The following ZDHHC8 variants were observed in gnomAD, a reference collection of about 807,000 sequenced individuals.
The protein encoded by ZDHHC8 is zDHHC palmitoyltransferase 8.
In ZDHHC8, 24 loss-of-function variants were observed where a neutral mutation model predicts 61.2. The observed-to-expected ratio is 0.39, with a 90% CI of 0.28 to 0.55. The LOEUF (loss-of-function observed/expected upper bound fraction) is 0.55, where lower values mean the gene tolerates loss of function less well. ZDHHC8 is among the 20% of genes least tolerant of loss of function. ZDHHC8 has a pLI of 0.60. For synonymous variants in ZDHHC8, 523 were observed against 492.5 expected (o/e 1.06, Z -0.82); for missense variants, 935 against 1,102.1 (o/e 0.85, Z 2.15).
At position 20,145,275 on chromosome 22, in the gene ZDHHC8, TC is replaced by T; in HGVS notation, c.2177del (p.Pro726ArgfsTer43). 5 of 1,561,362 alleles carry T rather than the reference TC, an allele frequency of 3.2e-6. No homozygotes were observed. Among genetic ancestry groups the T allele is most frequent in the Non-Finnish European group, 4.3e-6 (5 of 1,155,916 alleles). On this transcript the variant is annotated frameshift_variant, in exon 11 of 11. Transcript: ENST00000334554. LOFTEE classifies it high-confidence loss of function. ...TCCCCCAAGTAAGCTTAATGGGCAG[TC>T]CCCGGGCCTGGCCCGGCTGGGACCT... ...KTPPSKLNGQ[S>X]PGLARLGPAT...
In ZDHHC8 at chr22:20,131,841, G is replaced by A; in HGVS notation, c.-107G>A. On this transcript the variant is annotated 5_prime_UTR_variant, in exon 1 of 11. Coordinates refer to ENST00000334554, the MANE Select transcript of ZDHHC8 (RefSeq NM_013373.4). Reference sequence around the variant, plus strand: ...TTCCTCCGCCGCCGCCGCCGCCGCCGCCGCGGGTCCTGCGCCGCGTCCAGC... The same window carrying A: ...TTCCTCCGCCGCCGCCGCCGCCGCCACCGCGGGTCCTGCGCCGCGTCCAGC... The A allele has an allele frequency of 5.5e-6, 2 of 362,660 alleles. No individual in the cohort carries two copies. The highest frequency in any genetic ancestry group is 7.6e-6 in the Non-Finnish European group (2 of 262,794). 22.5% of individuals were successfully genotyped at this position (362,660 alleles called of 1,614,324 possible).
In ZDHHC8 at chr22:20,139,706, C is replaced by T. The variant is rs377244036; in HGVS notation, c.385-14C>T. 2.5e-6 allele frequency: 4 copies of T among 1,611,734 alleles called. No individual in the cohort carries two copies. The African/African-American group carries it at 5.3e-5, about 22-fold the overall frequency. ...CCTGCCTGCCATGTGCCCTGATGCA[C>T]TGCTCCCGCCCAGGACTTTGACCAC... On this transcript the variant is annotated splice_polypyrimidine_tract_variant and intron_variant, in intron 3 of 10. Coordinates refer to ENST00000334554, the MANE Select transcript of ZDHHC8 (RefSeq NM_013373.4).
chr22:20,133,386 G>C (rs1307253495), intron 1 of ZDHHC8, among the ~76,000 whole-genome samples: 1 of 152,132 alleles, frequency 6.6e-6, no homozygotes, highest in East Asian at 1.9e-4. Context: ...GGTCTGGCTT[G>C]GTTCCTTACT....
At chr22:20,135,462 T>C (rs2050411936) in intron 1 of ZDHHC8, among the ~76,000 whole-genome samples, 1 of 152,198 alleles carries the variant, frequency 6.6e-6, no homozygotes, top group Admixed American at 6.5e-5. Context: ...TGCCAGTGCC[T>C]GGGGCTGAGC....
At chr22:20,132,232 G>C (rs528295123) in intron 1 of ZDHHC8, among the ~76,000 whole-genome samples, 181 bp downstream of exon 1, 1 of 152,290 alleles carries the variant, frequency 6.6e-6, no homozygotes, top group East Asian at 1.9e-4. Context: ...GAAGCGGTGT[G>C]CCGGCGTCCC....
intron 2 of ZDHHC8, 81 bp downstream of exon 2, chr22:20,139,396 G>C: frequency 1.1e-5 from 18 of 1,602,808 alleles, no homozygotes; most frequent in Non-Finnish European, 1.5e-5. Context: ...AGGGATTCCT[G>C]GTGGGTGGGC....
chr22:20,136,410 T>G (rs1259202312), intron 1 of ZDHHC8, among the ~76,000 whole-genome samples: 1 of 152,250 alleles, frequency 6.6e-6, no homozygotes, highest in Admixed American at 6.5e-5. Flanking sequence ...TTGCATGTCC[T>G]TGTGTGTCCT....
rs992968433 is a variant in ZDHHC8, at chr22:20,146,152, G to A, written c.*752G>A. The A allele has an allele frequency of 7.1e-6, 7 of 985,658 alleles. No individual in the cohort carries two copies. Among genetic ancestry groups the A allele is most frequent in the Admixed American group, 6.1e-5 (1 of 16,292 alleles). The allele number at this position is 985,658 out of a possible 1,614,324, so 61.1% of individuals were successfully genotyped here. ...TGTGGGAGGCGACGGGGGGGCAGGC[G>A]GGAGCAGGCACGGGGGTGATGCTGC... On this transcript the variant is annotated 3_prime_UTR_variant, in exon 11 of 11. Transcript: ENST00000334554.
In ZDHHC8 at chr22:20,141,206, C is replaced by A. The variant is rs369721299; in HGVS notation, c.895-11C>A. ...CAAGCCCCACACACCACTGACCCCG[C>A]TCCCTCCCAGTCCAAGGGCAGCCTG... On this transcript the variant is annotated splice_polypyrimidine_tract_variant and intron_variant, in intron 7 of 10. Transcript: ENST00000334554. 6 of 1,608,758 alleles carry A rather than the reference C, an allele frequency of 3.7e-6. No individual in the cohort carries two copies. Among genetic ancestry groups the A allele is most frequent in the Non-Finnish European group, 5.1e-6 (6 of 1,178,216 alleles).
Position 20,143,484 on chromosome 22 carries a change from C to T in ZDHHC8, c.1854C>T (p.Gly618=), listed in dbSNP as rs754710926. Reference sequence around the variant, plus strand: ...TTGTGGCTGGGCCCGGCTTCGGTGGCGCCCGCAACCCTGCCCTGCAGACGT... The same window carrying T: ...TTGTGGCTGGGCCCGGCTTCGGTGGTGCCCGCAACCCTGCCCTGCAGACGT... ...DDLVAGPGFG[G]ARNPALQTSL... is the part of the protein sequence containing the mutation. Residue 618 remains glycine (G), a synonymous_variant, in exon 10 of 11, where the codon GGC becomes GGT. Transcript: ENST00000334554. 2.5e-6 allele frequency: 4 copies of T among 1,600,104 alleles called. No homozygotes were observed. The highest frequency in any genetic ancestry group is 2.7e-5 in the African/African-American group (2 of 74,896).
chr22:20,144,470 C>T lies in ZDHHC8; in HGVS notation c.2126+714C>T, dbSNP rs1212490243. On this transcript the variant is annotated intron_variant, in intron 10 of 10. Coordinates refer to ENST00000334554, the MANE Select transcript of ZDHHC8 (RefSeq NM_013373.4). Reference sequence around the variant, plus strand: ...TCCTCACGGCATCTGTCGCCCTGTCCGGGCCTGGAAACCTCAAGCACAGGC... The same window carrying T: ...TCCTCACGGCATCTGTCGCCCTGTCTGGGCCTGGAAACCTCAAGCACAGGC... Among the ~76,000 whole-genome samples, 12 of 152,360 alleles carry T rather than the reference C, an allele frequency of 7.9e-5. No homozygotes were observed. In the East Asian group the frequency reaches 1.9e-3, roughly 24 times the overall value.
rs914494746 is a variant in ZDHHC8, at chr22:20,147,500, C to T, written c.*2100C>T. The T allele has an allele frequency of 1.0e-5, 4 of 382,428 alleles. No homozygotes were observed. Among genetic ancestry groups the T allele is most frequent in the African/African-American group, 8.4e-5 (4 of 47,830 alleles). The allele number at this position is 382,428 out of a possible 1,614,324, so 23.7% of individuals were successfully genotyped here. On this transcript the variant is annotated 3_prime_UTR_variant, in exon 11 of 11. Transcript: ENST00000334554. ...ACCGGCACGACCTTTGCCCAGCCTC[C>T]CTACCCAACCAAGCACTTTAGACTA...
At chr22:20,140,557 C>T (rs2050459145) in intron 5 of ZDHHC8, 60 bp from the exon 6 acceptor site, 1 of 1,486,818 alleles carries the variant, frequency 6.7e-7, no homozygotes, top group Non-Finnish European at 9.0e-7. Flanking sequence ...TGCCCAGCCC[C>T]CTGCCCACCC....
At chr22:20,140,409 C>T in intron 5 of ZDHHC8, 192 bp downstream of exon 5, 3 of 775,966 alleles carry the variant, frequency 3.9e-6, no homozygotes, top group Non-Finnish European at 6.0e-6. Flanking sequence ...CCTGTGGACA[C>T]TGTGGCCACC....
chr22:20,140,435 C>G (rs1018136897), intron 5 of ZDHHC8, 182 bp from the exon 6 acceptor site: 1 of 803,454 alleles, frequency 1.2e-6, no homozygotes, highest in South Asian at 1.8e-5. Context: ...CCCAGAAATC[C>G]CACAGCTCCC....
chr22:20,140,851 A>T lies in ZDHHC8; in HGVS notation c.753-20A>T, dbSNP rs2050461978. On this transcript the variant is annotated intron_variant, in intron 6 of 10. Transcript: ENST00000334554. ...TTTGTGGCAGGTGGGCTGGCTACTG[A>T]CCCCTGTGCCCTGGTGCAGGTACGT... The T allele has an allele frequency of 5.0e-6, 8 of 1,599,182 alleles. No homozygotes were observed. Among genetic ancestry groups the T allele is most frequent in the Non-Finnish European group, 6.8e-6 (8 of 1,179,324 alleles).
At chr22:20,140,841 C>T in intron 6 of ZDHHC8, 30 bp from the exon 7 acceptor site, 1 of 1,586,748 alleles carries the variant, frequency 6.3e-7, no homozygotes. Context: ...GGCAGGTGGG[C>T]TGGCTACTGA....
In ZDHHC8 at chr22:20,138,753, C is replaced by T. The variant is rs973154277; in HGVS notation, c.105-441C>T. ...CTTACTGACCAAGGACTGGGGCTCC[C>T]CACACCCCAGAATCTGCCTGGTGAG... is the stretch of plus-strand genomic sequence containing the variant. On this transcript the variant is annotated intron_variant, in intron 1 of 10. Transcript: ENST00000334554. Among the ~76,000 whole-genome samples the T allele has an allele frequency of 1.4e-4, 21 of 152,290 alleles. No homozygotes were observed. In the South Asian group the frequency reaches 2.9e-3, roughly 21 times the overall value.
chr22:20,132,471 CCTGG>C (rs1405840425), intron 1 of ZDHHC8, among the ~76,000 whole-genome samples: 2 of 152,234 alleles, frequency 1.3e-5, no homozygotes, highest in African/African-American at 2.4e-5. Flanking sequence ...CGGGTCTCCT[CCTGG>C]CTGCCCGCCC....
Sources: allele counts gnomAD v4.1 joint callset (sites outside exome capture counted in the v4.1 genomes callset), GRCh38; gene constraint gnomAD v4.1.1; transcripts MANE v1.5; gene names NCBI Gene and HGNC (gene_info 2026-07-23, HGNC 2026-07-21).